The following LSM14A variants were observed in gnomAD, a reference collection of about 807,000 sequenced individuals.
LSM14A encodes the protein LSM14A mRNA processing body assembly factor, also known as protein LSM14 homolog A.
A neutral mutation model predicts 52.4 loss-of-function variants in LSM14A; 14 were observed. The observed-to-expected ratio is 0.27, with a 90% CI of 0.18 to 0.42. LSM14A has a LOEUF of 0.42. Among genes scored for constraint, LSM14A ranks in the 10% least tolerant of loss-of-function variants. The probability of loss-of-function intolerance (pLI) is 1.00; values close to 1 mark genes in which losing one functional copy is unlikely to be tolerated. For synonymous variants in LSM14A, 185 were observed against 200.3 expected, an observed-to-expected ratio of 0.92 and a Z score of 0.64; for missense variants, 417 against 581.8, an observed-to-expected ratio of 0.72 and a Z score of 2.91.
chr19:34,189,576 A>G (rs1288481369), intron 1 of LSM14A, among the ~76,000 whole-genome samples: 1 of 152,196 alleles, frequency 6.6e-6, no homozygotes, highest in East Asian at 1.9e-4. Context: ...GAATCCCAAA[A>G]TGAATACTAG....
intron 6 of LSM14A, among the ~76,000 whole-genome samples, chr19:34,218,311 A>AT (rs1212992201): frequency 9.2e-5 from 14 of 151,352 alleles, no homozygotes; most frequent in Admixed American, 2.0e-4. Context: ...GCCCCAAAAT[A>AT]TTTTTTTTTA....
chr19:34,206,140 T>C (rs2071680420), intron 3 of LSM14A, among the ~76,000 whole-genome samples: 1 of 152,040 alleles, frequency 6.6e-6, no homozygotes. Flanking sequence ...AGAAAGAAAA[T>C]TCTAGACTGT....
chr19:34,206,590 G>A (rs1387696904), intron 3 of LSM14A, among the ~76,000 whole-genome samples: 1 of 150,452 alleles, frequency 6.6e-6, no homozygotes, highest in Non-Finnish European at 1.5e-5. Flanking sequence ...CAGGAGAATC[G>A]CTTGAGCCCA....
intron 6 of LSM14A, among the ~76,000 whole-genome samples, chr19:34,219,134 T>A (rs1234301766): frequency 6.6e-6 from 1 of 152,226 alleles, no homozygotes; most frequent in Non-Finnish European, 1.5e-5. Flanking sequence ...ACTCTGTCAG[T>A]AACACATGTG....
intron 8 of LSM14A, chr19:34,221,258 T>G: frequency 2.2e-6 from 1 of 459,560 alleles, no homozygotes; most frequent in Non-Finnish European, 3.9e-6. Context: ...ATTTTTTGTA[T>G]TTTTGGTAGA....
intron 4 of LSM14A, among the ~76,000 whole-genome samples, chr19:34,212,047 G>A (rs2072201598): frequency 6.6e-6 from 1 of 152,106 alleles, no homozygotes; most frequent in Admixed American, 6.6e-5. Flanking sequence ...AAACAGATCC[G>A]AGTATAAATA....
At chr19:34,214,135 T>C (rs2072381230) in intron 4 of LSM14A, among the ~76,000 whole-genome samples, 1 of 152,180 alleles carries the variant, frequency 6.6e-6, no homozygotes, top group African/African-American at 2.4e-5. Context: ...AGGCAAGGAA[T>C]GAGTATGGCT....
At chr19:34,214,228 G>A (rs971205335) in intron 4 of LSM14A, among the ~76,000 whole-genome samples, 4 of 151,838 alleles carry the variant, frequency 2.6e-5, no homozygotes, top group Non-Finnish European at 5.9e-5. Flanking sequence ...TAGTTTTTAT[G>A]TTTAATTACC....
intron 1 of LSM14A, among the ~76,000 whole-genome samples, chr19:34,174,109 C>G (rs989649751): frequency 2.0e-5 from 3 of 152,192 alleles, no homozygotes; most frequent in Admixed American, 2.0e-4. Flanking sequence ...GCCACCACCC[C>G]TAGCTAATTT....
At chr19:34,187,025 G>A (rs1482101905) in intron 1 of LSM14A, among the ~76,000 whole-genome samples, 3 of 151,692 alleles carry the variant, frequency 2.0e-5, no homozygotes, top group African/African-American at 7.3e-5. Flanking sequence ...AGATCATAAG[G>A]TCAGGAGATC....
chr19:34,179,388 T>G (rs1215331904), intron 1 of LSM14A, among the ~76,000 whole-genome samples: 1 of 152,214 alleles, frequency 6.6e-6, no homozygotes, highest in Admixed American at 6.5e-5. Flanking sequence ...TTTATTTGAT[T>G]TCTTGCATTA....
At chr19:34,218,239 C>T (rs914745495) in intron 6 of LSM14A, among the ~76,000 whole-genome samples, 10 of 152,004 alleles carry the variant, frequency 6.6e-5, no homozygotes, top group Non-Finnish European at 1.2e-4. Flanking sequence ...CTCCTGACCT[C>T]GTGATCCGCC....
chr19:34,179,683 A>C (rs1194593138), intron 1 of LSM14A, among the ~76,000 whole-genome samples: 1 of 152,186 alleles, frequency 6.6e-6, no homozygotes, highest in African/African-American at 2.4e-5. Flanking sequence ...ACTGAAGAAA[A>C]AAAATAGTAG....
chr19:34,202,725 G>A (rs62102134), intron 3 of LSM14A, among the ~76,000 whole-genome samples: 22 of 152,136 alleles, frequency 1.4e-4, no homozygotes, highest in African/African-American at 3.6e-4. Flanking sequence ...GCGCATCTCC[G>A]CTCACTGCAA....
In LSM14A at chr19:34,219,702, T is replaced by C; in HGVS notation, c.965-4T>C. ...ACTTTTCTGATATGTGCTTTTGTTC[T>C]TAGAAGATAAACTTGAGAAACAGGA... On this transcript the variant is annotated splice_polypyrimidine_tract_variant and splice_region_variant and intron_variant, in intron 7 of 9. Coordinates refer to ENST00000544216, the MANE Select transcript of LSM14A (RefSeq NM_015578.4). 1.9e-6 allele frequency: 3 copies of C among 1,604,326 alleles called. No homozygotes were observed. Among genetic ancestry groups the C allele is most frequent in the Non-Finnish European group, 2.5e-6 (3 of 1,177,272 alleles).
chr19:34,218,105 G>A (rs2072798094), intron 6 of LSM14A, among the ~76,000 whole-genome samples: 1 of 149,970 alleles, frequency 6.7e-6, no homozygotes, highest in South Asian at 2.1e-4. Context: ...CCGGGTTCAA[G>A]CCATTCTCCT....
intron 1 of LSM14A, among the ~76,000 whole-genome samples, chr19:34,180,752 TC>T (rs1349972562): frequency 7.2e-5 from 11 of 151,964 alleles, no homozygotes; most frequent in African/African-American, 2.7e-4. Context: ...CCCACCCCAT[TC>T]CCCTCTTGCT....
intron 3 of LSM14A, among the ~76,000 whole-genome samples, chr19:34,199,132 A>C (rs2071099357): frequency 6.6e-6 from 1 of 152,030 alleles, no homozygotes; most frequent in Admixed American, 6.6e-5. Flanking sequence ...TTATTTATTT[A>C]TTTATTTATT....
intron 9 of LSM14A, among the ~76,000 whole-genome samples, chr19:34,225,382 T>C (rs149802454): frequency 1.4e-4 from 21 of 152,338 alleles, no homozygotes; most frequent in African/African-American, 5.1e-4. Flanking sequence ...GAGTGATCAC[T>C]GTCACATAAA....
Sources: allele counts gnomAD v4.1 joint callset (sites outside exome capture counted in the v4.1 genomes callset), GRCh38; gene constraint gnomAD v4.1.1; transcripts MANE v1.5; gene names NCBI Gene and HGNC (gene_info 2026-07-23, HGNC 2026-07-21).